Variants in NUFIP1 observed in about 807,000 individuals in gnomAD.
NUFIP1 encodes nuclear FMR1 interacting protein 1.
NUFIP1 carries 38 observed loss-of-function variants against 56.2 expected under a neutral mutation model. The observed-to-expected ratio is 0.68, with a 90% CI of 0.52 to 0.89. The LOEUF (loss-of-function observed/expected upper bound fraction) is 0.89. Ranked by LOEUF, NUFIP1 falls within the 40% of genes least tolerant of loss-of-function variation. The pLI is 0.00. For missense variants in NUFIP1, 567 were observed against 605.8 expected, an observed-to-expected ratio of 0.94 and a Z score of 0.67; for synonymous variants, 215 against 212.4, an observed-to-expected ratio of 1.01 and a Z score of -0.10.
chr13:44,971,280 T>C (rs1871796390), intron 5 of NUFIP1, among the ~76,000 whole-genome samples: 1 of 152,026 alleles, frequency 6.6e-6, no homozygotes, highest in African/African-American at 2.4e-5. Context: ...ATTTCCTCAT[T>C]CTCTTTAAAC....
chr13:44,988,114 A>G (rs979889889), intron 1 of NUFIP1, among the ~76,000 whole-genome samples: 2 of 152,192 alleles, frequency 1.3e-5, no homozygotes, highest in African/African-American at 2.4e-5. Context: ...ATGACTAACA[A>G]TGACATTTAA....
At position 44,989,421 on chromosome 13, in the gene NUFIP1, T is replaced by G. The variant is rs771013532; in HGVS notation, c.16A>C (p.Ser6Arg). ...CACCCGATAGGAGTCTCGAAATCAC[T>G]AGTCGGCTCAGCCATACCACTGGCG... Reference protein sequence around the residue: MAEPTSDFETPIGWHA... With the variant: MAEPTRDFETPIGWHA... Residue 6 changes from serine (S) to arginine (R), a missense_variant, in exon 1 of 10, where the codon AGT becomes CGT. Ser to Arg is a moderately radical substitution (Grantham distance 110, BLOSUM62 -1). Transcript: ENST00000379161. 6.2e-7 allele frequency: 1 copy of G among 1,613,426 alleles called. No individual in the cohort carries two copies. The highest frequency in any genetic ancestry group is 1.1e-5 in the South Asian group (1 of 90,916).
At chr13:44,949,878 AT>A (rs1871032618) in intron 7 of NUFIP1, 40 bp from the exon 8 acceptor site, 1 of 1,310,048 alleles carries the variant, frequency 7.6e-7, no homozygotes, top group Admixed American at 1.7e-5. Context: ...ATCTACCACC[AT>A]AAAAAAGCTG....
chr13:44,988,887 A>C, intron 1 of NUFIP1, 138 bp downstream of exon 1: 1 of 799,552 alleles, frequency 1.3e-6, no homozygotes, highest in Non-Finnish European at 1.9e-6. Context: ...CGGGGGTCTC[A>C]CTTTGCTTTG....
chr13:44,985,948 G>A (rs950148714), intron 1 of NUFIP1, among the ~76,000 whole-genome samples: 8 of 152,128 alleles, frequency 5.3e-5, no homozygotes, highest in East Asian at 1.9e-4. Flanking sequence ...TGTGCCAAAC[G>A]GCTAGCCAAG....
In NUFIP1 at chr13:44,952,313, C is replaced by T. The variant is rs544411938; in HGVS notation, c.1022-2475G>A. On this transcript the variant is annotated intron_variant, in intron 7 of 9. Coordinates refer to ENST00000379161, the MANE Select transcript of NUFIP1 (RefSeq NM_012345.3). ...CTAATTTTTGTATTTTTAGTAGAGACGGAGTTTCACCCTGTTGGCCAGGCT... is the reference window on the plus strand; with the variant it reads ...CTAATTTTTGTATTTTTAGTAGAGATGGAGTTTCACCCTGTTGGCCAGGCT... Among the ~76,000 whole-genome samples, 8 of 152,150 alleles carry T rather than the reference C, an allele frequency of 5.3e-5. No individual in the cohort carries two copies. The South Asian group carries it at 6.2e-4, about 12-fold the overall frequency.
chr13:44,975,456 A>C (rs1179694590), intron 5 of NUFIP1, among the ~76,000 whole-genome samples: 1 of 150,246 alleles, frequency 6.7e-6, no homozygotes, highest in Non-Finnish European at 1.5e-5. Flanking sequence ...GTCTCCTAAA[A>C]CCTCTCTCCT....
intron 8 of NUFIP1, 113 bp downstream of exon 8, chr13:44,949,609 G>A (rs1871017567): frequency 1.5e-6 from 1 of 647,244 alleles, no homozygotes; most frequent in Non-Finnish European, 2.7e-6. Flanking sequence ...AATGGAAAAG[G>A]AATTTGAAAA....
chr13:44,959,845 T>C (rs1871362816), intron 6 of NUFIP1, among the ~76,000 whole-genome samples: 1 of 152,136 alleles, frequency 6.6e-6, no homozygotes, highest in Admixed American at 6.6e-5. Flanking sequence ...CCCTCTGAAA[T>C]TGGGCTGTGT....
rs548225975 is a variant in NUFIP1, at chr13:44,941,270, C to T, written c.1424G>A (p.Arg475Gln). The T allele has an allele frequency of 3.7e-6, 6 of 1,611,894 alleles. No individual in the cohort carries two copies. The highest frequency in any genetic ancestry group is 2.2e-5 in the South Asian group (2 of 90,444). ...AAAAAAGTCTTTTTTGATGATGTAC[C>T]GAACACACTGCAAAATCACATTTCT... ...HERNVILQCV[R>Q]YIIKKDFFGL... is the part of the protein sequence containing the mutation. Residue 475 changes from arginine (R) to glutamine (Q), a missense_variant, in exon 10 of 10, where the codon CGG becomes CAG. Physicochemically the swap from Arg to Gln is conservative, Grantham distance 43. Transcript: ENST00000379161.
In NUFIP1 at chr13:44,982,093, G is replaced by T; in HGVS notation, c.474C>A (p.Pro158=). The T allele has an allele frequency of 6.6e-7, 1 of 1,509,052 alleles. No homozygotes were observed. Among genetic ancestry groups the T allele is most frequent in the Admixed American group, 2.2e-5 (1 of 46,414 alleles). 93.5% of individuals were successfully genotyped at this position (1,509,052 alleles called of 1,614,324 possible). The change falls in exon 2 of 10, where the codon CCC becomes CCA. Residue 158 remains proline, a synonymous_variant. Transcript: ENST00000379161. Reference sequence around the variant, plus strand: ...ATACCTTTTTTTTCTGTTTTCTACTGGGAGGTAAGCTGAAGTCTGTGAATT... The same window carrying T: ...ATACCTTTTTTTTCTGTTTTCTACTTGGAGGTAAGCTGAAGTCTGTGAATT... ...DAKFTDFSLP[P]SRKQKKKKRK...
At chr13:44,948,415 T>C (rs1272091759) in intron 8 of NUFIP1, among the ~76,000 whole-genome samples, 2 of 152,192 alleles carry the variant, frequency 1.3e-5, no homozygotes, top group South Asian at 2.1e-4. Flanking sequence ...GTGTTGGGAT[T>C]ACAGATGTGA....
chr13:44,967,338 T>A (rs1359193721), intron 5 of NUFIP1, among the ~76,000 whole-genome samples: 1 of 151,672 alleles, frequency 6.6e-6, no homozygotes, highest in Non-Finnish European at 1.5e-5. Flanking sequence ...TGAAACCCCA[T>A]CCTATTAAAA....
intron 7 of NUFIP1, among the ~76,000 whole-genome samples, chr13:44,950,746 A>G (rs1360192152): frequency 6.6e-6 from 1 of 152,206 alleles, no homozygotes; most frequent in Non-Finnish European, 1.5e-5. Flanking sequence ...TGCCAAATAT[A>G]AAGTGTTTGA....
chr13:44,950,374 C>G (rs1021917091), intron 7 of NUFIP1, among the ~76,000 whole-genome samples: 8 of 152,174 alleles, frequency 5.3e-5, no homozygotes, highest in South Asian at 2.1e-4. Flanking sequence ...GAGACAGAGT[C>G]TTGCTCTGTC....
At chr13:44,988,426 C>A (rs1332176564) in intron 1 of NUFIP1, among the ~76,000 whole-genome samples, 1 of 151,968 alleles carries the variant, frequency 6.6e-6, no homozygotes, top group Admixed American at 6.6e-5. Context: ...TTCACTCCAG[C>A]CTGGGCGACA....
chr13:44,956,954 A>G (rs1186814664), intron 7 of NUFIP1, among the ~76,000 whole-genome samples: 1 of 152,162 alleles, frequency 6.6e-6, no homozygotes, highest in African/African-American at 2.4e-5. Flanking sequence ...AATTTAAATG[A>G]CAGCTTTCCT....
chr13:44,970,337 T>C (rs1453137634), intron 5 of NUFIP1, among the ~76,000 whole-genome samples: 1 of 152,162 alleles, frequency 6.6e-6, no homozygotes, highest in Non-Finnish European at 1.5e-5. Context: ...GATGTAGAAG[T>C]AAGGACAAAG....
In NUFIP1 at chr13:44,952,187, GC is replaced by G. The variant is rs1311929569; in HGVS notation, c.1022-2350del. 2.2e-4 allele frequency among the ~76,000 whole-genome samples: 33 copies of G among 152,078 alleles called. 1 individual carries two copies. Among genetic ancestry groups the G allele is most frequent in the Admixed American group, 2.2e-3 (33 of 15,256 alleles). On this transcript the variant is annotated intron_variant, in intron 7 of 9. Transcript: ENST00000379161. ...GTTTGAGACAGAGTTTCACTCTGCT[GC>G]CCAGGCTGGAGTGCAGTGCATTCTA...
Sources: gnomAD v4.1 joint callset for allele counts (sites outside exome capture counted in the v4.1 genomes callset) on GRCh38, gnomAD v4.1.1 for gene constraint, MANE v1.5 for transcripts, NCBI Gene and HGNC (gene_info 2026-07-23, HGNC 2026-07-21) for gene names.